The following LBP variants were observed in gnomAD, a reference collection of about 807,000 sequenced individuals.
LBP encodes the protein lipopolysaccharide binding protein, also known as lipopolysaccharide-binding protein.
In LBP, 53 loss-of-function variants were observed where a neutral mutation model predicts 56.6. The ratio of observed to expected loss-of-function variants is 0.94; its 90% CI spans 0.75 to 1.18. The LOEUF is 1.18. Ranked by LOEUF, LBP falls within the 50% of genes most tolerant of loss-of-function variation. The pLI, the probability that LBP is intolerant of heterozygous loss-of-function variation, is 0.00. For synonymous variants in LBP, 227 were observed against 247.5 expected (o/e 0.92, Z 0.78); for missense variants, 601 against 598.3 (o/e 1.00, Z -0.05).
intron 12 of LBP, among the ~76,000 whole-genome samples, chr20:38,372,587 G>T (rs1230112071): frequency 6.6e-6 from 1 of 152,138 alleles, no homozygotes; most frequent in Non-Finnish European, 1.5e-5. Flanking sequence ...CATTCTGTAG[G>T]CCTCAGTTTC....
At position 38,354,177 on chromosome 20, in the gene LBP, C is replaced by T. The variant is rs41520245; in HGVS notation, c.369-107C>T. 466 of 866,360 alleles carry T rather than the reference C, an allele frequency of 5.4e-4. 5 individuals carry two copies. The East Asian group carries it at 0.01, about 20-fold the overall frequency. The allele number at this position is 866,360 out of a possible 1,614,324, so 53.7% of individuals were successfully genotyped here. A position where few individuals can be genotyped will look rare whatever the true frequency, so the allele number is the denominator to read the frequency against. ...TTTATTTGTTATTCTTAAATCTCTG[C>T]TCAGCTCCATGTATTTGGAGGTCAG... On this transcript the variant is annotated intron_variant, in intron 3 of 14. Transcript: ENST00000217407.
At chr20:38,347,341 C>A (rs1001474580) in intron 1 of LBP, among the ~76,000 whole-genome samples, 1 of 151,842 alleles carries the variant, frequency 6.6e-6, no homozygotes, top group Admixed American at 6.6e-5. Flanking sequence ...GCCAGGAGTT[C>A]GAGGCAAGCC....
At chr20:38,375,592 A>C (rs2083954331) in intron 14 of LBP, among the ~76,000 whole-genome samples, 1 of 152,224 alleles carries the variant, frequency 6.6e-6, no homozygotes, top group South Asian at 2.1e-4. Context: ...AAAGAAAAAA[A>C]AAATTAACTT....
chr20:38,350,743 C>T (rs889964588), intron 2 of LBP, 68 bp from the exon 3 acceptor site: 27 of 1,534,400 alleles, frequency 1.8e-5, no homozygotes, highest in African/African-American at 5.4e-5. Flanking sequence ...AGAGGGGAGG[C>T]GCAAGGTCCC....
At chr20:38,359,213 G>GT (rs1015596297) in intron 5 of LBP, among the ~76,000 whole-genome samples, 5 of 151,626 alleles carry the variant, frequency 3.3e-5, no homozygotes, top group Admixed American at 6.6e-5. Context: ...TTTGTTTTTC[G>GT]TTTTTTTGGT....
At chr20:38,360,641 T>C (rs1353616302) in intron 5 of LBP, 63 bp from the exon 6 acceptor site, 2 of 1,107,112 alleles carry the variant, frequency 1.8e-6, no homozygotes, top group African/African-American at 3.1e-5. Flanking sequence ...ACTGCAGTGA[T>C]CAGCACGGGG....
chr20:38,365,795 T>G (rs896052266), intron 8 of LBP, among the ~76,000 whole-genome samples: 14 of 150,322 alleles, frequency 9.3e-5, no homozygotes, highest in Admixed American at 6.7e-4. Context: ...ATGCATATAT[T>G]TTCAGAGAAA....
At chr20:38,364,089 G>A (rs371516003) in intron 7 of LBP, 23 bp downstream of exon 7, 1 of 1,534,726 alleles carries the variant, frequency 6.5e-7, no homozygotes, top group Non-Finnish European at 9.0e-7. Flanking sequence ...GGGCCGGGCT[G>A]CGTGGGTGAG....
At chr20:38,350,772 G>A (rs2076817589) in intron 2 of LBP, 39 bp from the exon 3 acceptor site, 1 of 1,581,446 alleles carries the variant, frequency 6.3e-7, no homozygotes. Flanking sequence ...CTGGGTCCAG[G>A]CCCAGGGCTG....
intron 5 of LBP, among the ~76,000 whole-genome samples, chr20:38,356,441 CACACACACA>C (rs2076840962): frequency 3.4e-5 from 5 of 149,144 alleles, no homozygotes; most frequent in African/African-American, 1.2e-4. Flanking sequence ...CACACACACA[CACACACACA>C]CACACCCTCG....
intron 6 of LBP, among the ~76,000 whole-genome samples, chr20:38,362,379 G>A (rs1336521542): frequency 8.1e-5 from 12 of 147,504 alleles, no homozygotes; most frequent in African/African-American, 2.7e-4. Context: ...TAGGGAGGCC[G>A]AGGCGGGTGG....
chr20:38,351,050 T>G (rs754458620), intron 3 of LBP, 111 bp downstream of exon 3: 2 of 1,416,988 alleles, frequency 1.4e-6, no homozygotes, highest in Admixed American at 2.0e-5. Context: ...GATGGACAGA[T>G]GGAGTCCAAG....
chr20:38,359,589 AAAC>A (rs1472449040), intron 5 of LBP, among the ~76,000 whole-genome samples: 2 of 136,152 alleles, frequency 1.5e-5, no homozygotes, highest in Non-Finnish European at 3.0e-5. Flanking sequence ...CTCAAAAAAC[AAAC>A]AACAACAAAA....
At chr20:38,364,152 A>G (rs2076872114) in intron 7 of LBP, 86 bp downstream of exon 7, 2 of 859,292 alleles carry the variant, frequency 2.3e-6, no homozygotes, top group African/African-American at 3.3e-5. Flanking sequence ...CCAACTTCAG[A>G]TCTGTCCTCA....
chr20:38,365,268 A>T, intron 8 of LBP, among the ~76,000 whole-genome samples: 1 of 146,816 alleles, frequency 6.8e-6, no homozygotes, highest in African/African-American at 2.5e-5. Flanking sequence ...TTCCTCCCTT[A>T]TAACAACTGT....
intron 5 of LBP, among the ~76,000 whole-genome samples, chr20:38,356,076 C>T (rs1467068736): frequency 7.0e-6 from 1 of 142,908 alleles, no homozygotes; most frequent in African/African-American, 2.6e-5. Flanking sequence ...CACAAACACA[C>T]ACACACCACA....
At chr20:38,346,909 A>G (rs181313045) in intron 1 of LBP, among the ~76,000 whole-genome samples, 74 of 152,318 alleles carry the variant, frequency 4.9e-4, no homozygotes, top group Middle Eastern at 6.8e-3. Flanking sequence ...ATTCCAGGAA[A>G]CACTGTAGGG....
intron 6 of LBP, among the ~76,000 whole-genome samples, chr20:38,361,112 A>C (rs1327081264): frequency 1.3e-5 from 2 of 151,800 alleles, no homozygotes; most frequent in Non-Finnish European, 2.9e-5. Flanking sequence ...CAGTGAGCCA[A>C]GATCACGCCA....
At chr20:38,363,301 G>C (rs1260808078) in intron 6 of LBP, among the ~76,000 whole-genome samples, 1 of 152,204 alleles carries the variant, frequency 6.6e-6, no homozygotes, top group Non-Finnish European at 1.5e-5. Flanking sequence ...CAGCCGTGTA[G>C]TGTTCCATCA....
Sources: gnomAD v4.1 joint callset for allele counts (sites outside exome capture counted in the v4.1 genomes callset) on GRCh38, gnomAD v4.1.1 for gene constraint, MANE v1.5 for transcripts, NCBI Gene and HGNC (gene_info 2026-07-23, HGNC 2026-07-21) for gene names.